SLC24A4: variants seen among roughly 807,000 people sequenced by gnomAD.
The protein encoded by SLC24A4 is solute carrier family 24 member 4, also known as sodium/potassium/calcium exchanger 4.
SLC24A4 carries 53 observed loss-of-function variants against 79.0 expected under a neutral mutation model. The observed-to-expected ratio is 0.67, with a 90% confidence interval of 0.54 to 0.84. The LOEUF is 0.84. SLC24A4 is among the 40% of genes least tolerant of loss of function. The pLI is 0.00. For missense variants in SLC24A4, 731 were observed against 822.0 expected, an observed-to-expected ratio of 0.89 and a Z score of 1.35; for synonymous variants, 323 against 323.8, an observed-to-expected ratio of 1.00 and a Z score of 0.03.
chr14:92,456,262 C>A (rs1893453642), intron 11 of SLC24A4, 142 bp from the exon 12 acceptor site: 1 of 725,352 alleles, frequency 1.4e-6, no homozygotes. Flanking sequence ...GGTCCTGGGG[C>A]TGATTCTCAG....
intron 2 of SLC24A4, among the ~76,000 whole-genome samples, chr14:92,427,172 G>A (rs1392435837): frequency 6.6e-6 from 1 of 152,250 alleles, no homozygotes; most frequent in Non-Finnish European, 1.5e-5. Flanking sequence ...GAGGAGGCAG[G>A]GCCAGTGCAC....
chr14:92,356,080 A>G (rs566072883), intron 2 of SLC24A4, among the ~76,000 whole-genome samples: 44 of 152,344 alleles, frequency 2.9e-4, no homozygotes, highest in African/African-American at 9.1e-4. Flanking sequence ...GTATTATTCA[A>G]TGAATCACAT....
In SLC24A4 at chr14:92,376,843, G is replaced by A. The variant is rs1285273938; in HGVS notation, c.241+50865G>A. ...TCACAACCTGGGGCAAGGCAGGGGGGTTGCTAGTGGGTAGAGTATCTAGTG... is the reference window on the plus strand; with the variant it reads ...TCACAACCTGGGGCAAGGCAGGGGGATTGCTAGTGGGTAGAGTATCTAGTG... On this transcript the variant is annotated intron_variant, in intron 2 of 16. Coordinates refer to ENST00000532405, the MANE Select transcript of SLC24A4 (RefSeq NM_153646.4). Among the ~76,000 whole-genome samples, 5 of 152,174 alleles carry A rather than the reference G, an allele frequency of 3.3e-5. No individual in the cohort carries two copies. The South Asian group carries it at 8.3e-4, about 25-fold the overall frequency.
rs377308586 is a variant in SLC24A4, at chr14:92,454,055, A to G, written c.1036A>G (p.Ile346Val). 94 of 1,613,000 alleles carry G rather than the reference A, an allele frequency of 5.8e-5. No homozygotes were observed. The highest frequency in any genetic ancestry group is 5.3e-4 in the Admixed American group (32 of 59,852). Residue 346 changes from isoleucine to valine, a missense_variant, in exon 11 of 17, where the codon ATC becomes GTC. Transcript: ENST00000532405. ...PRTRLRMASR[I>V]IINERQRLIN... is the part of the protein sequence containing the mutation. ...GACCCGACTACGGATGGCCAGCAGGATCATCATTAATGAGGTGAGTTTGCT... is the reference window on the plus strand; with the variant it reads ...GACCCGACTACGGATGGCCAGCAGGGTCATCATTAATGAGGTGAGTTTGCT...
intron 2 of SLC24A4, among the ~76,000 whole-genome samples, chr14:92,378,778 G>A (rs563410392): frequency 5.9e-5 from 9 of 152,320 alleles, no homozygotes; most frequent in East Asian, 3.9e-4. Context: ...AGCCAGGCAC[G>A]GTGGCACGCA....
At chr14:92,418,642 C>T (rs541797206) in intron 2 of SLC24A4, among the ~76,000 whole-genome samples, 21 of 152,180 alleles carry the variant, frequency 1.4e-4, no homozygotes, top group Non-Finnish European at 2.9e-4. Context: ...CAAATTTCTT[C>T]TTCCCCAAGA....
In SLC24A4 at chr14:92,325,990, A is replaced by AC; in HGVS notation, c.241+12_241+13insC. ...CTGCACAGATCCTGGTAAGAAATCA[A>AC]TTCTTCTCCACTCAGTCTACTAAGA... On this transcript the variant is annotated intron_variant, in intron 2 of 16. Coordinates refer to ENST00000532405, the MANE Select transcript of SLC24A4 (RefSeq NM_153646.4). The AC allele has an allele frequency of 6.4e-7, 1 of 1,564,020 alleles. No homozygotes were observed. Among genetic ancestry groups the AC allele is most frequent in the East Asian group, 2.2e-5 (1 of 44,624 alleles).
intron 2 of SLC24A4, among the ~76,000 whole-genome samples, chr14:92,417,068 C>T (rs891290054): frequency 1.3e-5 from 2 of 152,202 alleles, no homozygotes; most frequent in Admixed American, 6.5e-5. Context: ...TACCTATAGT[C>T]TTTCTTCATC....
chr14:92,370,130 T>C (rs1444151753), intron 2 of SLC24A4, among the ~76,000 whole-genome samples: 2 of 152,192 alleles, frequency 1.3e-5, no homozygotes, highest in African/African-American at 4.8e-5. Flanking sequence ...ACTAAAAAAT[T>C]GTATCCTTCT....
At chr14:92,435,277 C>T (rs1172259897) in intron 3 of SLC24A4, among the ~76,000 whole-genome samples, 1 of 152,224 alleles carries the variant, frequency 6.6e-6, no homozygotes, top group East Asian at 1.9e-4. Flanking sequence ...AAGTCACTCT[C>T]TGTGCTGGAA....
intron 2 of SLC24A4, among the ~76,000 whole-genome samples, chr14:92,360,032 C>T (rs543134552): frequency 5.8e-4 from 88 of 152,318 alleles, no homozygotes; most frequent in African/African-American, 2.1e-3. Context: ...AATTCTCCTG[C>T]CTCAGCCTCC....
At chr14:92,392,420 C>G (rs971574320) in intron 2 of SLC24A4, among the ~76,000 whole-genome samples, 2 of 151,976 alleles carry the variant, frequency 1.3e-5, no homozygotes, top group Admixed American at 6.6e-5. Flanking sequence ...CTGTCACTTG[C>G]CTCGTGGAGG....
intron 2 of SLC24A4, among the ~76,000 whole-genome samples, chr14:92,424,233 G>A (rs905408492): frequency 1.3e-5 from 2 of 152,162 alleles, no homozygotes; most frequent in East Asian, 1.9e-4. Flanking sequence ...CTCTAAGTTC[G>A]TGTGAAGTGA....
chr14:92,463,547 C>G (rs17128328), intron 12 of SLC24A4, among the ~76,000 whole-genome samples: 1 of 152,062 alleles, frequency 6.6e-6, no homozygotes, highest in Admixed American at 6.6e-5. Context: ...AAGTCAAGGT[C>G]AGAATTTTAA....
intron 2 of SLC24A4, among the ~76,000 whole-genome samples, chr14:92,361,297 T>G (rs981689516): frequency 4.6e-5 from 6 of 129,590 alleles, no homozygotes; most frequent in African/African-American, 1.1e-4. Flanking sequence ...TTTTTTTTTT[T>G]GAATAATCTT....
chr14:92,344,675 G>A (rs181291449), intron 2 of SLC24A4, among the ~76,000 whole-genome samples: 143 of 152,214 alleles, frequency 9.4e-4, no homozygotes, highest in Middle Eastern at 3.4e-3. Context: ...TGAGGGAGGA[G>A]GGCTGAGACA....
At chr14:92,429,831 G>C (rs1417546015) in intron 2 of SLC24A4, among the ~76,000 whole-genome samples, 1 of 152,196 alleles carries the variant, frequency 6.6e-6, no homozygotes, top group African/African-American at 2.4e-5. Context: ...AATAAGATGA[G>C]AATAATGAGG....
At chr14:92,364,277 A>G (rs567155962) in intron 2 of SLC24A4, among the ~76,000 whole-genome samples, 3 of 152,052 alleles carry the variant, frequency 2.0e-5, no homozygotes, top group Non-Finnish European at 4.4e-5. Context: ...CCTTTATAGA[A>G]TGGTTCGAAT....
chr14:92,384,537 A>G (rs1011443640), intron 2 of SLC24A4, among the ~76,000 whole-genome samples: 1 of 152,090 alleles, frequency 6.6e-6, no homozygotes, highest in Non-Finnish European at 1.5e-5. Flanking sequence ...GGCTGCCCTC[A>G]AGCAGGTAGA....
Sources: allele counts gnomAD v4.1 joint callset (sites outside exome capture counted in the v4.1 genomes callset), GRCh38; gene constraint gnomAD v4.1.1; transcripts MANE v1.5; gene names NCBI Gene and HGNC (gene_info 2026-07-23, HGNC 2026-07-21).